The following CCDC73 variants were observed in gnomAD, a reference collection of about 807,000 sequenced individuals.
The protein encoded by CCDC73 is coiled-coil domain containing 73.
A neutral mutation model predicts 116.5 loss-of-function variants in CCDC73; 95 were observed. The ratio of observed to expected loss-of-function variants is 0.82; its 90% CI spans 0.69 to 0.97. The LOEUF is 0.97. Among genes scored for constraint, CCDC73 ranks in the 50% least tolerant of loss-of-function variants. The pLI is 0.00. For missense variants in CCDC73, 1,066 were observed against 1,206.8 expected (o/e 0.88, Z 1.73); for synonymous variants, 398 against 401.3 (o/e 0.99, Z 0.10).
chr11:32,677,320 C>T (rs1337067087), intron 7 of CCDC73, among the ~76,000 whole-genome samples: 1 of 152,152 alleles, frequency 6.6e-6, no homozygotes, highest in Non-Finnish European at 1.5e-5. Flanking sequence ...TTCATTACAA[C>T]ATGGACTAAA....
intron 1 of CCDC73, among the ~76,000 whole-genome samples, chr11:32,788,387 T>C (rs1850645793): frequency 6.6e-6 from 1 of 152,072 alleles, no homozygotes; most frequent in Non-Finnish European, 1.5e-5. Flanking sequence ...AGACTTCTCA[T>C]ATACAGACAA....
At chr11:32,770,754 CT>C (rs796960141) in intron 1 of CCDC73, among the ~76,000 whole-genome samples, 12 of 152,038 alleles carry the variant, frequency 7.9e-5, no homozygotes, top group African/African-American at 2.4e-4. Flanking sequence ...TGTAAACTGA[CT>C]TTTTTTTAGC....
chr11:32,641,051 A>T (rs1681140124), intron 13 of CCDC73, among the ~76,000 whole-genome samples: 1 of 151,836 alleles, frequency 6.6e-6, no homozygotes, highest in African/African-American at 2.4e-5. Context: ...AAAAGAAAAC[A>T]TGTTAGTTTC....
At chr11:32,758,361 T>C (rs912434910) in intron 2 of CCDC73, 2 of 506,450 alleles carry the variant, frequency 3.9e-6, no homozygotes, top group African/African-American at 1.9e-5. Context: ...TAGAATTGTT[T>C]ACCTTTATAC....
chr11:32,655,208 G>A (rs1855861377), intron 9 of CCDC73, among the ~76,000 whole-genome samples: 1 of 152,116 alleles, frequency 6.6e-6, no homozygotes, highest in Non-Finnish European at 1.5e-5. Context: ...TAAAAGGAGT[G>A]TACTAACAAA....
intron 17 of CCDC73, 74 bp from the exon 18 acceptor site, chr11:32,603,094 A>G: frequency 8.2e-7 from 1 of 1,224,254 alleles, no homozygotes; most frequent in South Asian, 1.5e-5. Context: ...AAGCCTCTGC[A>G]GTTATGAGTA....
chr11:32,651,487 G>T (rs565921914), intron 12 of CCDC73, among the ~76,000 whole-genome samples: 7 of 152,288 alleles, frequency 4.6e-5, no homozygotes, highest in African/African-American at 1.7e-4. Context: ...CTGCACCAGT[G>T]GCAGGACGGG....
intron 7 of CCDC73, among the ~76,000 whole-genome samples, chr11:32,679,652 C>G (rs1410347798): frequency 6.6e-6 from 1 of 152,184 alleles, no homozygotes. Flanking sequence ...GTGTGAGCCA[C>G]TGTGCCCGGC....
chr11:32,786,959 T>G (rs1041205514), intron 1 of CCDC73, among the ~76,000 whole-genome samples: 2 of 152,204 alleles, frequency 1.3e-5, no homozygotes, highest in African/African-American at 4.8e-5. Flanking sequence ...ATTTAACCCA[T>G]GCTGTTATCA....
In CCDC73 at chr11:32,614,934, G is replaced by A. The variant is rs1341508078; in HGVS notation, c.1384C>T (p.Leu462Phe). Residue 462 changes from leucine (L) to phenylalanine (F), a missense_variant, in exon 16 of 18, where the codon CTT (leucine) becomes TTT (phenylalanine). Leu to Phe is a conservative substitution (Grantham distance 22). Transcript: ENST00000335185. ...TCATTCTTGAAGCTTTTTTCAAAAAGCTGTAAATCTGTCATGATGGGAACA... is the reference window on the plus strand; with the variant it reads ...TCATTCTTGAAGCTTTTTTCAAAAAACTGTAAATCTGTCATGATGGGAACA... Reference protein sequence around the residue: ...IEEIIIDDLQLFEKSFKNEID... With the variant: ...IEEIIIDDLQFFEKSFKNEID... 2 of 1,595,798 alleles carry A rather than the reference G, an allele frequency of 1.3e-6. No individual in the cohort carries two copies. The highest frequency in any genetic ancestry group is 3.4e-5 in the Admixed American group (2 of 57,996).
intron 14 of CCDC73, among the ~76,000 whole-genome samples, chr11:32,616,896 C>T (rs1226699015): frequency 3.3e-5 from 5 of 152,070 alleles, no homozygotes; most frequent in Non-Finnish European, 2.9e-5. Flanking sequence ...TGGGCACATG[C>T]AGGAATAGTC....
At chr11:32,779,781 A>G (rs1850567174) in intron 1 of CCDC73, among the ~76,000 whole-genome samples, 1 of 152,218 alleles carries the variant, frequency 6.6e-6, no homozygotes, top group African/African-American at 2.4e-5. Flanking sequence ...TGCCTGAGAA[A>G]GTGAGAAGGA....
intron 14 of CCDC73, among the ~76,000 whole-genome samples, chr11:32,632,560 C>T (rs906816451): frequency 6.6e-6 from 1 of 152,022 alleles, no homozygotes; most frequent in Non-Finnish European, 1.5e-5. Context: ...TCAATTAGGC[C>T]AAGTTAGTTG....
At chr11:32,800,480 G>C in the CCDC73 span, among the ~76,000 whole-genome samples, 1 of 151,988 alleles carries the variant, frequency 6.6e-6, no homozygotes, top group South Asian at 2.1e-4. Context: ...CTCTTAATAA[G>C]ACTTTTGCTT....
At chr11:32,735,390 G>A (rs567265915) in intron 2 of CCDC73, among the ~76,000 whole-genome samples, 16 of 151,980 alleles carry the variant, frequency 1.1e-4, no homozygotes, top group Non-Finnish European at 2.2e-4. Flanking sequence ...ACAAAGAGCC[G>A]AATCATGAGT....
intron 1 of CCDC73, among the ~76,000 whole-genome samples, chr11:32,793,931 C>T (rs947369257): frequency 6.6e-6 from 1 of 152,086 alleles, no homozygotes; most frequent in African/African-American, 2.4e-5. Context: ...ATCTAGAATT[C>T]AGCATTATCA....
intron 12 of CCDC73, among the ~76,000 whole-genome samples, chr11:32,652,382 T>C (rs1267073732): frequency 1.3e-5 from 2 of 151,874 alleles, no homozygotes; most frequent in African/African-American, 4.8e-5. Context: ...CACTTCCACA[T>C]GAACTTATCA....
intron 6 of CCDC73, among the ~76,000 whole-genome samples, chr11:32,692,472 T>G (rs1353641824): frequency 6.6e-6 from 1 of 152,048 alleles, no homozygotes; most frequent in Non-Finnish European, 1.5e-5. Context: ...ATATATTAAA[T>G]ATCGCTTTGG....
intron 16 of CCDC73, 49 bp downstream of exon 16, chr11:32,613,373 A>G: frequency 2.7e-6 from 4 of 1,458,390 alleles, no homozygotes; most frequent in Non-Finnish European, 3.7e-6. Context: ...TTTATCAAGA[A>G]TAAGTAGAAA....
Sources: allele counts gnomAD v4.1 joint callset (sites outside exome capture counted in the v4.1 genomes callset), GRCh38; gene constraint gnomAD v4.1.1; transcripts MANE v1.5; gene names NCBI Gene and HGNC (gene_info 2026-07-23, HGNC 2026-07-21).